ITPK1: variants seen among roughly 807,000 people sequenced by gnomAD.
The protein encoded by ITPK1 is inositol 1,3,4-trisphosphate 5/6-kinase.
Under a neutral mutation model 45.3 loss-of-function variants are expected in ITPK1, and 21 were observed. The ratio of observed to expected loss-of-function variants is 0.46; its 90% confidence interval spans 0.33 to 0.67. ITPK1 has a LOEUF of 0.67. Ranked by LOEUF, ITPK1 falls within the 30% of genes least tolerant of loss-of-function variation. ITPK1 has a pLI of 0.02. For missense variants in ITPK1, 474 were observed against 573.5 expected, an observed-to-expected ratio of 0.83 and a Z score of 1.77; for synonymous variants, 258 against 253.6, an observed-to-expected ratio of 1.02 and a Z score of -0.16.
chr14:93,095,580 T>G (rs971399427), intron 2 of ITPK1, among the ~76,000 whole-genome samples: 4 of 139,376 alleles, frequency 2.9e-5, no homozygotes, highest in East Asian at 3.9e-4. Context: ...CTAGGTTTTT[T>G]TTTTTTTTTT....
chr14:93,033,002 T>G (rs1420138145), intron 3 of ITPK1, among the ~76,000 whole-genome samples: 1 of 152,144 alleles, frequency 6.6e-6, no homozygotes, highest in Admixed American at 6.5e-5. Context: ...CAGAGACACC[T>G]AGAGAGACTC....
At chr14:93,087,089 C>G (rs1223492243) in intron 2 of ITPK1, among the ~76,000 whole-genome samples, 1 of 152,206 alleles carries the variant, frequency 6.6e-6, no homozygotes, top group Non-Finnish European at 1.5e-5. Flanking sequence ...CAAATCACAA[C>G]AGTAGTGGCT....
At chr14:92,997,266 C>T (rs912550121) in intron 4 of ITPK1, among the ~76,000 whole-genome samples, 1 of 152,134 alleles carries the variant, frequency 6.6e-6, no homozygotes, top group Non-Finnish European at 1.5e-5. Context: ...TAAATGAGGG[C>T]GATTCTGATT....
intron 2 of ITPK1, among the ~76,000 whole-genome samples, chr14:93,104,462 CAA>C (rs35034223): frequency 0.093 from 13,584 of 145,984 alleles, 2,042 homozygotes; most frequent in African/African-American, 0.32. Context: ...AACTCCATCT[CAA>C]AAAAAAAAAG....
At chr14:93,062,619 A>G (rs1337575922) in intron 3 of ITPK1, among the ~76,000 whole-genome samples, 7 of 152,098 alleles carry the variant, frequency 4.6e-5, no homozygotes, top group Admixed American at 4.6e-4. Context: ...CCTGAAAGGC[A>G]CTTTCAAACC....
intron 5 of ITPK1, among the ~76,000 whole-genome samples, chr14:92,967,605 A>G (rs1264389214): frequency 6.6e-6 from 1 of 152,254 alleles, no homozygotes; most frequent in Non-Finnish European, 1.5e-5. Flanking sequence ...AATCCTAAAA[A>G]TGGTTCACAG....
In ITPK1 at chr14:92,941,434, T is replaced by A. The variant is rs1887388347; in HGVS notation, c.*127A>T. The A allele has an allele frequency of 7.1e-7, 1 of 1,417,936 alleles. No homozygotes were observed. Among genetic ancestry groups the A allele is most frequent in the African/African-American group, 1.5e-5 (1 of 67,578 alleles). The allele number at this position is 1,417,936 out of a possible 1,614,324, so 87.8% of individuals were successfully genotyped here. On this transcript the variant is annotated 3_prime_UTR_variant, in exon 11 of 11. Coordinates refer to ENST00000267615, the MANE Select transcript of ITPK1 (RefSeq NM_014216.6). ...TAGATCATGACATCAGAGAATCAGG[T>A]TAAAAATTAAAAAACAGAAGAATCA...
At chr14:93,073,277 G>A (rs1368427333) in intron 3 of ITPK1, among the ~76,000 whole-genome samples, 1 of 152,220 alleles carries the variant, frequency 6.6e-6, no homozygotes, top group Admixed American at 6.5e-5. Context: ...GCGCCTCACA[G>A]AGTGCACAAT....
At chr14:92,943,206 TGAG>T (rs1233288402) in intron 10 of ITPK1, among the ~76,000 whole-genome samples, 1 of 152,172 alleles carries the variant, frequency 6.6e-6, no homozygotes, top group Non-Finnish European at 1.5e-5. Flanking sequence ...AGTTTACAGA[TGAG>T]GAGGCATGAC....
At chr14:92,978,262 C>T (rs934030319) in intron 5 of ITPK1, among the ~76,000 whole-genome samples, 2 of 151,892 alleles carry the variant, frequency 1.3e-5, no homozygotes, top group Non-Finnish European at 2.9e-5. Flanking sequence ...GCATTCAAGA[C>T]GTGGACTGGC....
chr14:93,079,476 C>T (rs1259046540), intron 2 of ITPK1, among the ~76,000 whole-genome samples: 1 of 152,208 alleles, frequency 6.6e-6, no homozygotes. Flanking sequence ...GGGCTCTCCC[C>T]ACACCCACGT....
chr14:93,107,815 C>G (rs1436570205), intron 2 of ITPK1, among the ~76,000 whole-genome samples: 1 of 152,226 alleles, frequency 6.6e-6, no homozygotes, highest in Non-Finnish European at 1.5e-5. Flanking sequence ...CTACAGAAAC[C>G]AGCCCATGAG....
intron 3 of ITPK1, among the ~76,000 whole-genome samples, chr14:93,073,327 CA>C (rs1275198198): frequency 6.6e-6 from 1 of 152,190 alleles, no homozygotes; most frequent in East Asian, 1.9e-4. Context: ...TGAAGAGGCA[CA>C]GGGGTGGCAG....
intron 5 of ITPK1, among the ~76,000 whole-genome samples, chr14:92,972,837 C>T (rs1002768447): frequency 3.3e-5 from 5 of 152,214 alleles, no homozygotes; most frequent in East Asian, 1.9e-4. Context: ...GTGATCTGCC[C>T]GCCTCGGCCT....
chr14:93,067,520 A>G (rs933782216), intron 3 of ITPK1: 2 of 152,270 alleles, frequency 1.3e-5, no homozygotes, highest in African/African-American at 2.4e-5. Flanking sequence ...CGGAAGCTGC[A>G]CAAGACTGCA....
chr14:92,941,887 C>T lies in ITPK1; in HGVS notation c.919G>A (p.Glu307Lys), dbSNP rs201410742. ...NAFPGYEGVSEFFTDLLNHIA... is the reference protein window; with the variant it reads ...NAFPGYEGVSKFFTDLLNHIA... ...TGGTTCAGGAGGTCTGTGAAGAACT[C>T]GCTCACGCCCTCGTAGCCTGGGGGT... The change falls in exon 11 of 11, where the codon GAG becomes AAG. Residue 307 changes from glutamate (E) to lysine (K), a missense_variant. Glu to Lys is a moderately conservative substitution (Grantham distance 56). Coordinates refer to ENST00000267615, the MANE Select transcript of ITPK1 (RefSeq NM_014216.6). The T allele has an allele frequency of 3.9e-5, 63 of 1,612,250 alleles. No homozygotes were observed. Among genetic ancestry groups the T allele is most frequent in the African/African-American group, 1.9e-4 (14 of 75,030 alleles).
intron 4 of ITPK1, among the ~76,000 whole-genome samples, chr14:93,002,087 C>T (rs1045064862): frequency 2.4e-4 from 37 of 152,196 alleles, no homozygotes; most frequent in African/African-American, 8.4e-4. Context: ...GGTGTGGTGG[C>T]TCACGTCTGT....
chr14:92,996,547 G>A (rs1490895559), intron 4 of ITPK1, among the ~76,000 whole-genome samples: 8 of 151,090 alleles, frequency 5.3e-5, no homozygotes, highest in Non-Finnish European at 7.4e-5. Flanking sequence ...AAACCTGCAC[G>A]TTGTGCACAT....
chr14:92,962,165 G>A (rs187579848), intron 7 of ITPK1, among the ~76,000 whole-genome samples, 190 bp downstream of exon 7: 1 of 152,354 alleles, frequency 6.6e-6, no homozygotes, highest in African/African-American at 2.4e-5. Context: ...TGCAGACAGT[G>A]CATGAAGCCA....
Sources: gnomAD v4.1 joint callset for allele counts (sites outside exome capture counted in the v4.1 genomes callset) on GRCh38, gnomAD v4.1.1 for gene constraint, MANE v1.5 for transcripts, NCBI Gene and HGNC (gene_info 2026-07-23, HGNC 2026-07-21) for gene names.